Variants in MYOCOS observed in about 807,000 individuals in gnomAD.
MYOCOS encodes the protein myocilin opposite strand, also known as myocilin opposite strand protein.
chr1:171,602,533 G>A (rs1652162919), intron 1 of MYOCOS, among the ~76,000 whole-genome samples: 1 of 152,072 alleles, frequency 6.6e-6, no homozygotes, highest in African/African-American at 2.4e-5. Flanking sequence ...AGACATTAAA[G>A]TAAAAATGCA....
At chr1:171,614,464 C>T (rs556841151) in intron 1 of MYOCOS, among the ~76,000 whole-genome samples, 9 of 152,206 alleles carry the variant, frequency 5.9e-5, no homozygotes, top group African/African-American at 2.2e-4. Context: ...GGGGATGAAC[C>T]TTTAGAGTCA....
intron 2 of MYOCOS, among the ~76,000 whole-genome samples, chr1:171,615,407 G>T (rs968691716): frequency 2.0e-5 from 3 of 152,160 alleles, no homozygotes; most frequent in African/African-American, 7.2e-5. Flanking sequence ...ATGACTTCTA[G>T]ATTTGGCGCT....
chr1:171,618,591 T>G (rs1652492550), upstream of MYOCOS, among the ~76,000 whole-genome samples: 3 of 138,116 alleles, frequency 2.2e-5, no homozygotes, highest in South Asian at 4.8e-4. Context: ...TTGTTTGTTT[T>G]TTGAGATGGT....
chr1:171,619,904 A>G (rs962882384), upstream of MYOCOS, among the ~76,000 whole-genome samples: 3 of 151,204 alleles, frequency 2.0e-5, no homozygotes, highest in Non-Finnish European at 4.4e-5. Context: ...TTTGCATACA[A>G]TAATTGCTTC....
chr1:171,603,490 A>G (rs933910144), intron 1 of MYOCOS, among the ~76,000 whole-genome samples: 1 of 152,256 alleles, frequency 6.6e-6, no homozygotes, highest in African/African-American at 2.4e-5. Flanking sequence ...GCCCCACAAG[A>G]AATACAGATC....
intron 1 of MYOCOS, among the ~76,000 whole-genome samples, chr1:171,609,279 C>T (rs748098062): frequency 6.6e-6 from 1 of 152,228 alleles, no homozygotes; most frequent in African/African-American, 2.4e-5. Flanking sequence ...AACCTGGGAG[C>T]CAAATGTATT....
At chr1:171,619,411 TC>T (rs1332450100), upstream of MYOCOS, among the ~76,000 whole-genome samples, 5 of 152,234 alleles carry the variant, frequency 3.3e-5, no homozygotes, top group African/African-American at 1.2e-4. Context: ...TAGTGATTTT[TC>T]CTGGATTGTA....
At chr1:171,621,501 G>A (rs1358856608), upstream of MYOCOS, among the ~76,000 whole-genome samples, 2 of 149,802 alleles carry the variant, frequency 1.3e-5, no homozygotes, top group Admixed American at 6.7e-5. Context: ...TCAGCCTCCT[G>A]AGTAGCTGGG....
At chr1:171,624,272 TG>T (rs1652645162) in intron 2 of MYOCOS, among the ~76,000 whole-genome samples, 1 of 151,762 alleles carries the variant, frequency 6.6e-6, no homozygotes, top group East Asian at 1.9e-4. Flanking sequence ...GGTTTGGTTT[TG>T]TTTTTTTGAG....
At chr1:171,624,589 A>G (rs1273460671) in intron 2 of MYOCOS, among the ~76,000 whole-genome samples, 2 of 151,824 alleles carry the variant, frequency 1.3e-5, no homozygotes, top group Admixed American at 6.6e-5. Flanking sequence ...GGCGCCCGCC[A>G]CGACGCCCGG....
intron 1 of MYOCOS, among the ~76,000 whole-genome samples, chr1:171,608,458 C>T (rs919182630): frequency 1.8e-5 from 2 of 112,524 alleles, no homozygotes; most frequent in Admixed American, 1.3e-4. Flanking sequence ...TGCTGTGTTG[C>T]CCAGGCTGGA....
chr1:171,605,395 A>ACACACACACAC (rs1553253249), intron 1 of MYOCOS, among the ~76,000 whole-genome samples: 269 of 114,738 alleles, frequency 2.3e-3, no homozygotes, highest in Non-Finnish European at 3.2e-3. Flanking sequence ...ACACACACAC[A>ACACACACACAC]AAAAAAAAAA....
rs1652592399 is a variant in MYOCOS, at chr1:171,622,300, C to G, written c.-76C>G. ...AAGACCCATCCTCTCCCTGCGACAT[C>G]TGTGGAGATTTCTCAAGGACACGGC... On this transcript the variant is annotated 5_prime_UTR_variant, in exon 1 of 3. The change creates a new upstream start codon in the 5' untranslated region. Coordinates refer to ENST00000637642, the MANE Select transcript of MYOCOS (RefSeq NM_001391940.1). 1 of 152,200 alleles carries G rather than the reference C, an allele frequency of 6.6e-6. No individual in the cohort carries two copies. The highest frequency in any genetic ancestry group is 2.4e-5 in the African/African-American group (1 of 41,438). 9.4% of individuals were successfully genotyped at this position (152,200 alleles called of 1,614,324 possible).
At chr1:171,611,707 A>G (rs1297697713) in intron 1 of MYOCOS, among the ~76,000 whole-genome samples, 2 of 152,176 alleles carry the variant, frequency 1.3e-5, no homozygotes, top group African/African-American at 4.8e-5. Flanking sequence ...TAGTCAGTAT[A>G]TGGGTTGCAG....
At chr1:171,616,606 G>T (rs1652454212) in intron 2 of MYOCOS, among the ~76,000 whole-genome samples, 1 of 152,172 alleles carries the variant, frequency 6.6e-6, no homozygotes, top group Non-Finnish European at 1.5e-5. Context: ...GAACAGGTTT[G>T]AAGGAGGTGA....
chr1:171,615,529 C>G (rs1185998461), intron 2 of MYOCOS, among the ~76,000 whole-genome samples: 1 of 152,174 alleles, frequency 6.6e-6, no homozygotes, highest in Non-Finnish European at 1.5e-5. Context: ...CAGCCCGGTG[C>G]CAGGCCTGAA....
chr1:171,617,987 T>A (rs1652481312), upstream of MYOCOS, among the ~76,000 whole-genome samples: 1 of 152,090 alleles, frequency 6.6e-6, no homozygotes, highest in Non-Finnish European at 1.5e-5. Context: ...GTGTGGTGAA[T>A]GTGGAATTCT....
chr1:171,604,862 C>T (rs181066667), intron 1 of MYOCOS, among the ~76,000 whole-genome samples: 14 of 152,228 alleles, frequency 9.2e-5, no homozygotes, highest in African/African-American at 2.4e-4. Flanking sequence ...CCCTCCTGCA[C>T]GAGTGGAAGC....
At chr1:171,623,694 G>A (rs1409825165) in intron 1 of MYOCOS, 147 bp from the exon 2 acceptor site, 1 of 394,416 alleles carries the variant, frequency 2.5e-6, no homozygotes, top group East Asian at 3.6e-5. Context: ...GACCTTGGGG[G>A]GAAGGGGGAT....
Sources: gnomAD v4.1 joint callset for allele counts (sites outside exome capture counted in the v4.1 genomes callset) on GRCh38, gnomAD v4.1.1 for gene constraint, MANE v1.5 for transcripts, NCBI Gene and HGNC (gene_info 2026-07-23, HGNC 2026-07-21) for gene names.